The following MKRN1 variants were observed in gnomAD, a reference collection of about 807,000 sequenced individuals.
MKRN1 encodes E3 ubiquitin-protein ligase makorin-1.
MKRN1 carries 9 observed loss-of-function variants against 55.5 expected under a neutral mutation model. That is an observed-to-expected ratio of 0.16 (90% CI 0.10 to 0.28). The LOEUF (loss-of-function observed/expected upper bound fraction) is 0.28, where lower values mean the gene tolerates loss of function less well. MKRN1 is among the 10% of genes least tolerant of loss of function. MKRN1 has a pLI of 1.00. For synonymous variants in MKRN1, 253 were observed against 235.9 expected (o/e 1.07, Z -0.66); for missense variants, 488 against 626.7 (o/e 0.78, Z 2.36).
intron 2 of MKRN1, among the ~76,000 whole-genome samples, chr7:140,469,508 G>A (rs1794861956): frequency 1.3e-5 from 2 of 152,134 alleles, no homozygotes; most frequent in African/African-American, 4.8e-5. Flanking sequence ...TATGACTTCT[G>A]ACACTAGGTC....
chr7:140,455,022 C>T, intron 7 of MKRN1, 73 bp downstream of exon 7: 2 of 1,573,892 alleles, frequency 1.3e-6, no homozygotes, highest in Non-Finnish European at 1.7e-6. Flanking sequence ...TTCTCCTTCC[C>T]CTACCCCAAT....
chr7:140,459,743 T>C lies in MKRN1; in HGVS notation c.508A>G (p.Ile170Val), dbSNP rs944506546. ...TAGGGTTGCCCAGGAACAAACTCAA[T>C]AGCATTCACCCAGTCCTCTGAACCT... ...GAGSEDWVNA[I>V]EFVPGQPYCG... The change falls in exon 3 of 8, where the codon ATT becomes GTT. Residue 170 changes from isoleucine (I) to valine (V), a missense_variant. Transcript: ENST00000255977. 2.5e-6 allele frequency: 4 copies of C among 1,613,820 alleles called. No individual in the cohort carries two copies. The African/African-American group carries it at 4.0e-5, about 16-fold the overall frequency.
chr7:140,460,246 C>CAAAAAAAAAAAA (rs58698651), intron 2 of MKRN1: 7 of 76,806 alleles, frequency 9.1e-5, no homozygotes, highest in African/African-American at 2.8e-4. Flanking sequence ...GACTCCGTCT[C>CAAAAAAAAAAAA]AAAAAAAAAA....
chr7:140,472,063 TA>T, intron 1 of MKRN1, 52 bp from the exon 2 acceptor site: 2 of 1,607,284 alleles, frequency 1.2e-6, no homozygotes, highest in Non-Finnish European at 1.7e-6. Context: ...TTGAAAATAT[TA>T]AAACTAATTA....
chr7:140,475,212 A>T (rs1240838378), intron 1 of MKRN1: 2 of 442,336 alleles, frequency 4.5e-6, no homozygotes, highest in East Asian at 8.1e-5. Context: ...GTGTGATGGC[A>T]CGTGCCTGTA....
chr7:140,464,387 G>C (rs1402444990), intron 2 of MKRN1, among the ~76,000 whole-genome samples: 1 of 151,318 alleles, frequency 6.6e-6, no homozygotes, highest in Non-Finnish European at 1.5e-5. Context: ...CTGGATGACA[G>C]AGCAAGACTA....
chr7:140,455,114 C>T lies in MKRN1; in HGVS notation c.1217G>A (p.Gly406Glu), dbSNP rs1245319120. The change falls in exon 7 of 8, where the codon GGA (glycine) becomes GAA (glutamate). Residue 406 changes from glycine (G) to glutamate (E), a missense_variant. Coordinates refer to ENST00000255977, the MANE Select transcript of MKRN1 (RefSeq NM_013446.4). ...RREEPQRQKVGTSSRYRAQRR... is the reference protein window; with the variant it reads ...RREEPQRQKVETSSRYRAQRR... The stretch of plus-strand genomic sequence containing the variant: ...AGTTACCCGGTATCTGCTTGATGTT[C>T]CCACTTTCTGTCTCTGTGGCTCCTC... The T allele has an allele frequency of 6.2e-7, 1 of 1,613,920 alleles. No individual in the cohort carries two copies. Among genetic ancestry groups the T allele is most frequent in the East Asian group, 2.2e-5 (1 of 44,864 alleles).
At chr7:140,459,587 T>C (rs1794559079) in intron 3 of MKRN1, 120 bp downstream of exon 3, 2 of 938,636 alleles carry the variant, frequency 2.1e-6, no homozygotes, top group Non-Finnish European at 3.2e-6. Flanking sequence ...ATTAAAGTAC[T>C]GTACTAAGAT....
chr7:140,471,909 C>G lies in MKRN1; in HGVS notation c.288G>C (p.Gly96=), dbSNP rs189177147. 6.2e-7 allele frequency: 1 copy of G among 1,613,978 alleles called. No individual in the cohort carries two copies. Among genetic ancestry groups the G allele is most frequent in the East Asian group, 2.2e-5 (1 of 44,892 alleles). Reference sequence around the variant, plus strand: ...TGCAGCGGTCTCCATAAATACAGTACCCTCGCTGAAAATACTTGCACACTA... The same window carrying G: ...TGCAGCGGTCTCCATAAATACAGTAGCCTCGCTGAAAATACTTGCACACTA... The part of the protein sequence containing the change: ...YSVVCKYFQR[G]YCIYGDRCRY... The change falls in exon 2 of 8, where the codon GGG becomes GGC. Residue 96 remains glycine, a synonymous_variant. Coordinates refer to ENST00000255977, the MANE Select transcript of MKRN1 (RefSeq NM_013446.4).
At chr7:140,463,986 T>G (rs1378775480) in intron 2 of MKRN1, among the ~76,000 whole-genome samples, 5 of 151,926 alleles carry the variant, frequency 3.3e-5, no homozygotes, top group Non-Finnish European at 1.5e-5. Context: ...CTGGCTAGAG[T>G]GCAGTGGTGC....
intron 1 of MKRN1, chr7:140,473,327 G>C (rs200135272): frequency 1.2e-5 from 5 of 427,680 alleles, no homozygotes; most frequent in Non-Finnish European, 2.3e-5. Context: ...CTGTCTCCAT[G>C]AGACACTGTG....
rs1443101062 is a variant in MKRN1 at position 140,459,317 on chromosome 7, GAA to G, written c.545-86_545-85del. ...AACTGAGAATCTAACCGCAAAAAAT[GAA>G]AATAAAACTGCAATGAAATACCAAA... On this transcript the variant is annotated intron_variant, in intron 3 of 7. Coordinates refer to ENST00000255977, the MANE Select transcript of MKRN1 (RefSeq NM_013446.4). The G allele has an allele frequency of 2.9e-6, 4 of 1,391,770 alleles. No individual in the cohort carries two copies. The African/African-American group carries it at 5.7e-5, about 20-fold the overall frequency. The allele number at this position is 1,391,770 out of a possible 1,614,324, so 86.2% of individuals were successfully genotyped here. A position where few individuals can be genotyped will look rare whatever the true frequency, so the allele number is the denominator to read the frequency against.
intron 2 of MKRN1, among the ~76,000 whole-genome samples, chr7:140,469,311 G>A (rs894056266): frequency 2.7e-5 from 4 of 149,914 alleles, no homozygotes; most frequent in Admixed American, 1.3e-4. Context: ...GGGTGACAGC[G>A]AGACTCCATC....
At chr7:140,476,220 T>C (rs535266588) in intron 1 of MKRN1, among the ~76,000 whole-genome samples, 1 of 152,316 alleles carries the variant, frequency 6.6e-6, no homozygotes, top group East Asian at 1.9e-4. Flanking sequence ...AATGTTTATT[T>C]ATAATACAGT....
rs192408007 is a variant in MKRN1 at position 140,465,008 on chromosome 7, T to A, written c.315-5072A>T. On this transcript the variant is annotated intron_variant, in intron 2 of 7. Coordinates refer to ENST00000255977, the MANE Select transcript of MKRN1 (RefSeq NM_013446.4). Reference sequence around the variant, plus strand: ...TGCCATGTTGCCTAAGTTGGTCTCCTGGGCTCAAGCCATCTTCCCCGCCCA... The same window carrying A: ...TGCCATGTTGCCTAAGTTGGTCTCCAGGGCTCAAGCCATCTTCCCCGCCCA... 7.2e-5 allele frequency among the ~76,000 whole-genome samples: 11 copies of A among 152,302 alleles called. No homozygotes were observed. The East Asian group carries it at 2.1e-3, about 29-fold the overall frequency.
At chr7:140,457,707 T>C (rs1238354409) in intron 4 of MKRN1, among the ~76,000 whole-genome samples, 3 of 149,462 alleles carry the variant, frequency 2.0e-5, no homozygotes, top group Non-Finnish European at 4.4e-5. Flanking sequence ...CAAAAAAAAA[T>C]AAAAATAAAA....
In MKRN1 at chr7:140,479,358, A is replaced by G. The variant is rs1795224874; in HGVS notation, c.-14T>C. Reference sequence around the variant, plus strand: ...AGCCTCCGCCATTACTGTTTATCCCACACAGCAAAGGCCCCGGAACTTCCG... The same window carrying G: ...AGCCTCCGCCATTACTGTTTATCCCGCACAGCAAAGGCCCCGGAACTTCCG... On this transcript the variant is annotated 5_prime_UTR_variant, in exon 1 of 8. Transcript: ENST00000255977. 5 of 1,287,002 alleles carry G rather than the reference A, an allele frequency of 3.9e-6. No individual in the cohort carries two copies. In the East Asian group the frequency reaches 9.4e-5, roughly 24 times the overall value. The allele number at this position is 1,287,002 out of a possible 1,614,324, so 79.7% of individuals were successfully genotyped here. A position where few individuals can be genotyped will look rare whatever the true frequency, so the allele number is the denominator to read the frequency against.
At chr7:140,456,545 TAA>T in intron 5 of MKRN1, 105 bp downstream of exon 5, 1 of 1,488,258 alleles carries the variant, frequency 6.7e-7, no homozygotes, top group Non-Finnish European at 9.0e-7. Flanking sequence ...AGTTTCAAGA[TAA>T]AATGCATGCA....
intron 2 of MKRN1, among the ~76,000 whole-genome samples, chr7:140,463,916 C>A (rs899064807): frequency 1.3e-5 from 2 of 151,944 alleles, no homozygotes; most frequent in African/African-American, 4.8e-5. Context: ...AAATCCAGCC[C>A]AAAGCCTCAC....
Sources: allele counts gnomAD v4.1 joint callset (sites outside exome capture counted in the v4.1 genomes callset), GRCh38; gene constraint gnomAD v4.1.1; transcripts MANE v1.5; gene names NCBI Gene and HGNC (gene_info 2026-07-23, HGNC 2026-07-21).